The following SLC36A1 variants were observed in gnomAD, a reference collection of about 807,000 sequenced individuals.
SLC36A1 encodes the protein solute carrier family 36 member 1, also known as proton-coupled amino acid transporter 1.
A neutral mutation model predicts 47.5 loss-of-function variants in SLC36A1; 30 were observed. That is an observed-to-expected ratio of 0.63 (90% CI 0.47 to 0.86). The LOEUF is 0.86. SLC36A1 is among the 40% of genes least tolerant of loss of function. The pLI is 0.00. For synonymous variants in SLC36A1, 255 were observed against 249.7 expected, an observed-to-expected ratio of 1.02 and a Z score of -0.20; for missense variants, 517 against 606.0, an observed-to-expected ratio of 0.85 and a Z score of 1.54.
At chr5:151,471,438 A>G (rs1757300387) in intron 7 of SLC36A1, among the ~76,000 whole-genome samples, 2 of 152,194 alleles carry the variant, frequency 1.3e-5, no homozygotes, top group Non-Finnish European at 2.9e-5. Context: ...ATCCCCACAT[A>G]TGGATTGTGA....
At chr5:151,359,686 G>A in the SLC36A1 span, among the ~76,000 whole-genome samples, 1 of 152,178 alleles carries the variant, frequency 6.6e-6, no homozygotes, top group African/African-American at 2.4e-5. Context: ...AGCAACTGAT[G>A]TGCTCTTTGC....
chr5:151,364,421 C>A, the SLC36A1 span, among the ~76,000 whole-genome samples: 1 of 152,112 alleles, frequency 6.6e-6, no homozygotes, highest in Non-Finnish European at 1.5e-5. Context: ...AGTGATTGTC[C>A]CATTTTAGAT....
the SLC36A1 span, chr5:151,507,301 C>G: frequency 6.2e-7 from 1 of 1,614,202 alleles, no homozygotes; most frequent in South Asian, 1.1e-5. Flanking sequence ...TCATTTGGAA[C>G]AGAGGCCTTG....
chr5:151,500,177 T>C, the SLC36A1 span, among the ~76,000 whole-genome samples: 2 of 152,122 alleles, frequency 1.3e-5, no homozygotes, highest in African/African-American at 4.8e-5. Flanking sequence ...GTAATTTATT[T>C]CGCGAACCCA....
chr5:151,497,377 AT>A (rs1760376383), downstream of SLC36A1, among the ~76,000 whole-genome samples: 1 of 152,110 alleles, frequency 6.6e-6, no homozygotes, highest in African/African-American at 2.4e-5. Context: ...ACCTTTTGAT[AT>A]GGTGGATTCC....
the SLC36A1 span, among the ~76,000 whole-genome samples, chr5:151,541,982 GAC>G: frequency 6.6e-6 from 1 of 152,172 alleles, no homozygotes; most frequent in Non-Finnish European, 1.5e-5. Context: ...TCTTTCAAAA[GAC>G]AACTGACAGC....
chr5:151,418,529 T>C, the SLC36A1 span, among the ~76,000 whole-genome samples: 7 of 152,236 alleles, frequency 4.6e-5, no homozygotes. Flanking sequence ...AAGGTTTGAC[T>C]GCCCAGATGG....
the SLC36A1 span, among the ~76,000 whole-genome samples, chr5:151,357,181 C>T: frequency 6.6e-6 from 1 of 152,326 alleles, no homozygotes; most frequent in East Asian, 1.9e-4. Context: ...ATTCACAAAG[C>T]CACAAAAGGC....
chr5:151,472,108 A>C (rs1010248610), intron 7 of SLC36A1, among the ~76,000 whole-genome samples: 1 of 152,202 alleles, frequency 6.6e-6, no homozygotes, highest in Non-Finnish European at 1.5e-5. Flanking sequence ...ATAGATGTAC[A>C]TATATAGGGG....
chr5:151,374,909 G>T, the SLC36A1 span, among the ~76,000 whole-genome samples: 10 of 142,526 alleles, frequency 7.0e-5, no homozygotes, highest in South Asian at 4.4e-4. Context: ...TAATGTTGGG[G>T]TTTTTTTTTT....
chr5:151,540,797 G>C, the SLC36A1 span: 1 of 1,583,592 alleles, frequency 6.3e-7, no homozygotes, highest in East Asian at 2.3e-5. Flanking sequence ...CAGAAGCCAA[G>C]CAATAGGAAT....
At chr5:151,438,834 C>T (rs907231655) in intron 1 of SLC36A1, among the ~76,000 whole-genome samples, 2 of 152,210 alleles carry the variant, frequency 1.3e-5, no homozygotes, top group African/African-American at 2.4e-5. Context: ...ACATTTTTTT[C>T]TGAGTCCTCA....
chr5:151,441,624 A>G (rs1399135303), intron 1 of SLC36A1, among the ~76,000 whole-genome samples: 5 of 152,342 alleles, frequency 3.3e-5, no homozygotes, highest in African/African-American at 9.6e-5. Context: ...TTGGAGAACA[A>G]TACACACATG....
At chr5:151,369,632 C>T in the SLC36A1 span, among the ~76,000 whole-genome samples, 1 of 152,226 alleles carries the variant, frequency 6.6e-6, no homozygotes, top group South Asian at 2.1e-4. Flanking sequence ...AGGCACACAC[C>T]ACTATGACTG....
the SLC36A1 span, chr5:151,507,562 G>C: frequency 6.2e-7 from 1 of 1,613,944 alleles, no homozygotes; most frequent in Non-Finnish European, 8.5e-7. Context: ...TGGATCTCGG[G>C]AGTGACTAGG....
At chr5:151,543,494 G>T in the SLC36A1 span, 10 of 1,614,146 alleles carry the variant, frequency 6.2e-6, 1 homozygote, top group South Asian at 1.1e-4. Context: ...GAATTTTCCC[G>T]ATCCAGTTTC....
chr5:151,532,410 C>T, the SLC36A1 span, among the ~76,000 whole-genome samples: 1 of 151,548 alleles, frequency 6.6e-6, no homozygotes, highest in Non-Finnish European at 1.5e-5. Flanking sequence ...CACACACACA[C>T]ACACACACGC....
chr5:151,408,999 CTT>C, the SLC36A1 span, among the ~76,000 whole-genome samples: 48 of 140,640 alleles, frequency 3.4e-4, no homozygotes, highest in Admixed American at 2.9e-3. Flanking sequence ...TTTCTTTCCT[CTT>C]TTTTTTTTTT....
chr5:151,502,675 CA>C, the SLC36A1 span, among the ~76,000 whole-genome samples: 5 of 148,272 alleles, frequency 3.4e-5, no homozygotes, highest in Admixed American at 6.6e-5. Flanking sequence ...GAATGTGGAG[CA>C]AAAGGAGTTC....
Sources: gnomAD v4.1 joint callset for allele counts (sites outside exome capture counted in the v4.1 genomes callset) on GRCh38, gnomAD v4.1.1 for gene constraint, MANE v1.5 for transcripts, NCBI Gene and HGNC (gene_info 2026-07-23, HGNC 2026-07-21) for gene names.